The following LAMA1 variants were observed in gnomAD, a reference collection of about 807,000 sequenced individuals.
The protein encoded by LAMA1 is laminin subunit alpha 1, also known as laminin subunit alpha-1.
A neutral mutation model predicts 348.7 loss-of-function variants in LAMA1; 219 were observed. That is an observed-to-expected ratio of 0.63 (90% CI 0.56 to 0.70). LAMA1 has a LOEUF of 0.70. LAMA1 is among the 30% of genes least tolerant of loss of function. The pLI is 0.00. For synonymous variants in LAMA1, 1,487 were observed against 1,491.0 expected, an observed-to-expected ratio of 1.00 and a Z score of 0.06; for missense variants, 3,744 against 3,888.0, an observed-to-expected ratio of 0.96 and a Z score of 0.99.
At chr18:7,060,973 C>T (rs1014990643) in intron 3 of LAMA1, among the ~76,000 whole-genome samples, 17 of 152,062 alleles carry the variant, frequency 1.1e-4, no homozygotes, top group African/African-American at 3.4e-4. Context: ...CTGGGCAACA[C>T]GGCAAAACCT....
intron 38 of LAMA1, 54 bp downstream of exon 38, chr18:6,985,473 A>C (rs2057730439): frequency 1.2e-6 from 2 of 1,606,770 alleles, no homozygotes; most frequent in Admixed American, 1.7e-5. Flanking sequence ...TATAGAAAAG[A>C]TGTGTGAAGA....
chr18:7,116,600 T>C (rs1411123142), intron 1 of LAMA1, among the ~76,000 whole-genome samples: 3 of 151,698 alleles, frequency 2.0e-5, no homozygotes, highest in Non-Finnish European at 4.4e-5. Flanking sequence ...TTGACTCGAA[T>C]TTTTTTTTAA....
Position 7,031,488 on chromosome 18 carries a change from T to A in LAMA1, c.2274+578A>T, listed in dbSNP as rs181046280. Among the ~76,000 whole-genome samples the A allele has an allele frequency of 3.3e-5, 5 of 152,282 alleles. No individual in the cohort carries two copies. In the East Asian group the frequency reaches 9.6e-4, roughly 29 times the overall value. The stretch of plus-strand genomic sequence containing the variant: ...AGCATGGTATATAAGTGAGTGTGAT[T>A]ATACTTTATTCTTCTTCTTAGGGTA... On this transcript the variant is annotated intron_variant, in intron 16 of 62. Coordinates refer to ENST00000389658, the MANE Select transcript of LAMA1 (RefSeq NM_005559.4).
chr18:7,014,430 G>A (rs2057876218), intron 22 of LAMA1, among the ~76,000 whole-genome samples: 1 of 152,072 alleles, frequency 6.6e-6, no homozygotes, highest in African/African-American at 2.4e-5. Flanking sequence ...AGACCAGCCT[G>A]GACAACATAG....
chr18:6,950,778 G>A lies in LAMA1; in HGVS notation c.8397+4C>T, dbSNP rs752882923. The A allele has an allele frequency of 5.0e-6, 8 of 1,613,836 alleles. No homozygotes were observed. Among genetic ancestry groups the A allele is most frequent in the Admixed American group, 1.7e-5 (1 of 60,008 alleles). ...CAGCCACCACAAGCCTCCTGAGATC[G>A]TACCGTGTGCCACTTGCCATCACTG... On this transcript the variant is annotated splice_donor_region_variant and intron_variant, in intron 58 of 62. Coordinates refer to ENST00000389658, the MANE Select transcript of LAMA1 (RefSeq NM_005559.4).
At position 7,029,601 on chromosome 18, in the gene LAMA1, C is replaced by G. The variant is rs570066937; in HGVS notation, c.2274+2465G>C. On this transcript the variant is annotated intron_variant, in intron 16 of 62. Coordinates refer to ENST00000389658, the MANE Select transcript of LAMA1 (RefSeq NM_005559.4). ...TGCTTTTTCAGGCGTGTGCCACCAG[C>G]CCTTTACCTGACTGTCCCTGTTGGT... is the stretch of plus-strand genomic sequence containing the variant. 4.6e-5 allele frequency among the ~76,000 whole-genome samples: 7 copies of G among 152,214 alleles called. No homozygotes were observed. In the East Asian group the frequency reaches 1.4e-3, roughly 29 times the overall value.
At chr18:7,103,273 C>T (rs541132353) in intron 1 of LAMA1, among the ~76,000 whole-genome samples, 102 of 151,856 alleles carry the variant, frequency 6.7e-4, no homozygotes, top group African/African-American at 1.9e-3. Context: ...GGCATGGTGG[C>T]GGGCGCCTGT....
chr18:7,024,547 T>A, intron 17 of LAMA1, 81 bp from the exon 18 acceptor site: 1 of 1,138,618 alleles, frequency 8.8e-7, no homozygotes. Flanking sequence ...TCATTTCTAC[T>A]ACTCCTGTGC....
chr18:7,034,550 C>G lies in LAMA1; in HGVS notation c.1980G>C (p.Met660Ile). 1 of 1,614,118 alleles carries G rather than the reference C, an allele frequency of 6.2e-7. No homozygotes were observed. Among genetic ancestry groups the G allele is most frequent in the South Asian group, 1.1e-5 (1 of 91,070 alleles). ...SKRQIDRDQL[M>I]TVLANVTHLL... ...GATGTGTCACATTGGCAAGGACAGTCATCAGCTGGTCACGATCAATCTGCC... is the reference window on the plus strand; with the variant it reads ...GATGTGTCACATTGGCAAGGACAGTGATCAGCTGGTCACGATCAATCTGCC... The change falls in exon 14 of 63, where the codon ATG (methionine) becomes ATC (isoleucine). Residue 660 changes from methionine to isoleucine, a missense_variant. Around this residue, in one of 3 missense-constraint regions of LAMA1, gnomAD observed 1,529 missense variants for 1,689.4 expected, o/e 0.91. Transcript: ENST00000389658.
chr18:6,975,841 A>C, intron 45 of LAMA1, 96 bp downstream of exon 45: 95 of 1,365,596 alleles, frequency 7.0e-5, no homozygotes, highest in Non-Finnish European at 9.4e-5. Flanking sequence ...AGATTTCACT[A>C]AGGCCTATTT....
At chr18:6,972,026 C>G in intron 47 of LAMA1, 45 bp from the exon 48 acceptor site, 2 of 1,608,806 alleles carry the variant, frequency 1.2e-6, no homozygotes, top group Non-Finnish European at 1.7e-6. Context: ...ATAAGCTGAC[C>G]AAGCAAAATA....
intron 23 of LAMA1, 111 bp downstream of exon 23, chr18:7,013,704 A>G: frequency 1.1e-6 from 1 of 931,516 alleles, no homozygotes; most frequent in Non-Finnish European, 1.7e-6. Flanking sequence ...GGGAGTGTGA[A>G]CTCACTAGGA....
At chr18:6,964,561 T>G in intron 51 of LAMA1, 101 bp downstream of exon 51, 2 of 1,379,156 alleles carry the variant, frequency 1.5e-6, no homozygotes, top group Non-Finnish European at 2.1e-6. Context: ...AATAAATTAG[T>G]GTTGTTTAAG....
At position 7,017,350 on chromosome 18, in the gene LAMA1, G is replaced by C; in HGVS notation, c.2736C>G (p.Ala912=). ...CECHVKGSHS[A]VCHLETGLCD... ...AGAGCCCGGTCTCAAGATGGCACAC[G>C]GCAGAATGGGAGCCTTTCACATGGC... The change falls in exon 20 of 63, where the codon GCC becomes GCG. Residue 912 remains alanine, a synonymous_variant. Transcript: ENST00000389658. 1 of 1,613,934 alleles carries C rather than the reference G, an allele frequency of 6.2e-7. No individual in the cohort carries two copies. The highest frequency in any genetic ancestry group is 8.5e-7 in the Non-Finnish European group (1 of 1,179,962).
chr18:6,957,844 C>T (rs1185712036), intron 55 of LAMA1, among the ~76,000 whole-genome samples: 1 of 151,814 alleles, frequency 6.6e-6, no homozygotes, highest in Non-Finnish European at 1.5e-5. Flanking sequence ...AGCAATGGTG[C>T]AATCTCAGCT....
At chr18:6,951,970 G>C (rs1461471259) in intron 57 of LAMA1, among the ~76,000 whole-genome samples, 1 of 152,158 alleles carries the variant, frequency 6.6e-6, no homozygotes, top group Non-Finnish European at 1.5e-5. Flanking sequence ...CCAGGAGACT[G>C]TCCCAGGCCA....
intron 1 of LAMA1, among the ~76,000 whole-genome samples, chr18:7,115,570 G>T (rs2058351973): frequency 1.3e-5 from 2 of 151,138 alleles, no homozygotes; most frequent in Admixed American, 1.3e-4. Context: ...AATAACACCA[G>T]ACAACTAACT....
At chr18:7,042,316 A>G in intron 8 of LAMA1, 66 bp from the exon 9 acceptor site, 1 of 931,560 alleles carries the variant, frequency 1.1e-6, no homozygotes. Context: ...AATAGTATAA[A>G]TAAGAAGGTA....
chr18:6,951,707 G>A (rs8086869), intron 57 of LAMA1, among the ~76,000 whole-genome samples: 112,258 of 151,774 alleles, frequency 0.74, 42,188 homozygotes, highest in East Asian at 0.84. Flanking sequence ...GACAGCCAAC[G>A]GGAGGGAGTC....
Sources: allele counts gnomAD v4.1 joint callset (sites outside exome capture counted in the v4.1 genomes callset), GRCh38; gene constraint gnomAD v4.1.1; regional missense constraint gnomAD v4.1.1; transcripts MANE v1.5; gene names NCBI Gene and HGNC (gene_info 2026-07-23, HGNC 2026-07-21).